Variants in LIMK1 observed in about 807,000 individuals in gnomAD.
LIMK1 encodes LIM domain kinase 1, also known as LIM motif-containing protein kinase.
A neutral mutation model predicts 77.6 loss-of-function variants in LIMK1; 21 were observed. The ratio of observed to expected loss-of-function variants is 0.27; its 90% CI spans 0.19 to 0.39. The LOEUF (loss-of-function observed/expected upper bound fraction) is 0.39, where lower values mean the gene tolerates loss of function less well. LIMK1 is among the 10% of genes least tolerant of loss of function. LIMK1 has a pLI of 1.00. For synonymous variants in LIMK1, 358 were observed against 370.0 expected, an observed-to-expected ratio of 0.97 and a Z score of 0.37; for missense variants, 696 against 901.6, an observed-to-expected ratio of 0.77 and a Z score of 2.92.
intron 13 of LIMK1, among the ~76,000 whole-genome samples, chr7:74,119,042 C>G (rs1799878790): frequency 6.6e-6 from 1 of 151,876 alleles, no homozygotes; most frequent in Non-Finnish European, 1.5e-5. Context: ...ACTACAGGCG[C>G]CCGCCACCAC....
At chr7:74,098,105 A>G (rs535528927) in intron 4 of LIMK1, among the ~76,000 whole-genome samples, 160 of 152,140 alleles carry the variant, frequency 1.1e-3, no homozygotes, top group African/African-American at 3.8e-3. Flanking sequence ...GTCATGACTG[A>G]TTGAGTCATT....
At chr7:74,100,661 C>T (rs1044309511) in intron 5 of LIMK1, among the ~76,000 whole-genome samples, 3 of 152,086 alleles carry the variant, frequency 2.0e-5, no homozygotes, top group African/African-American at 7.2e-5. Context: ...AAGTGATCCT[C>T]CCTTCTCGGC....
rs1228984874 is a variant in LIMK1 at position 74,121,883 on chromosome 7, T to C, written c.*582T>C. On this transcript the variant is annotated 3_prime_UTR_variant, in exon 16 of 16. Coordinates refer to ENST00000336180, the MANE Select transcript of LIMK1 (RefSeq NM_002314.4). ...CAAAGCAGAGAGAGGGCTGATCCCA[T>C]GGGGCGGAGGTCCCCAGTGGCTGAG... 2 of 152,860 alleles carry C rather than the reference T, an allele frequency of 1.3e-5. No individual in the cohort carries two copies. The highest frequency in any genetic ancestry group is 4.8e-5 in the African/African-American group (2 of 41,470). 9.5% of individuals were successfully genotyped at this position (152,860 alleles called of 1,614,324 possible).
intron 3 of LIMK1, 97 bp downstream of exon 3, chr7:74,096,857 C>T: frequency 6.9e-7 from 1 of 1,444,464 alleles, no homozygotes; most frequent in Non-Finnish European, 9.3e-7. Context: ...CTCCTGGTCT[C>T]CTTTTTGCTG....
In LIMK1 at chr7:74,115,785, C is replaced by G. The variant is rs781785097; in HGVS notation, c.1411-17C>G. The G allele has an allele frequency of 6.2e-7, 1 of 1,612,152 alleles. No individual in the cohort carries two copies. Among genetic ancestry groups the G allele is most frequent in the Non-Finnish European group, 8.5e-7 (1 of 1,178,890 alleles). On this transcript the variant is annotated splice_polypyrimidine_tract_variant and intron_variant, in intron 12 of 15. Transcript: ENST00000336180. Reference sequence around the variant, plus strand: ...ACTAGGATCGGGTCCCAGCATGACCCGGCTTCACCTTCCCAGAACAAGAAT... The same window carrying G: ...ACTAGGATCGGGTCCCAGCATGACCGGGCTTCACCTTCCCAGAACAAGAAT...
intron 2 of LIMK1, among the ~76,000 whole-genome samples, chr7:74,094,996 G>T (rs2237503): frequency 6.6e-6 from 1 of 151,948 alleles, no homozygotes; most frequent in African/African-American, 2.4e-5. Context: ...CAAAGGGGAA[G>T]TGGCTGGATC....
intron 8 of LIMK1, 62 bp downstream of exon 8, chr7:74,107,255 T>TCC: frequency 6.7e-7 from 1 of 1,496,202 alleles, no homozygotes; most frequent in Non-Finnish European, 9.0e-7. Flanking sequence ...CCTCCTTCCT[T>TCC]CCCAGTCTAT....
Position 74,099,171 on chromosome 7 carries a change from T to A in LIMK1, c.541T>A (p.Ser181Thr). 1 of 1,613,050 alleles carries A rather than the reference T, an allele frequency of 6.2e-7. No homozygotes were observed. Among genetic ancestry groups the A allele is most frequent in the Non-Finnish European group, 8.5e-7 (1 of 1,180,002 alleles). ...SSHGKRGLSVSIDPPHGPPGC... is the reference protein window; with the variant it reads ...SSHGKRGLSVTIDPPHGPPGC... ...TCATGGCAAGCGTGGACTTTCAGTCTCCATTGACCCCCCGCACGGCCCACC... is the reference window on the plus strand; with the variant it reads ...TCATGGCAAGCGTGGACTTTCAGTCACCATTGACCCCCCGCACGGCCCACC... The change falls in exon 5 of 16, where the codon TCC becomes ACC. Residue 181 changes from serine to threonine, a missense_variant. Ser to Thr is a moderately conservative substitution (Grantham distance 58). This residue lies in a region of LIMK1 where 252 missense variants were observed against 279.4 expected (regional missense o/e 0.90). Transcript: ENST00000336180.
chr7:74,118,375 CAA>C (rs1229558296), intron 13 of LIMK1, among the ~76,000 whole-genome samples: 9 of 91,858 alleles, frequency 9.8e-5, no homozygotes, highest in African/African-American at 1.3e-4. Flanking sequence ...GACTCTGTGT[CAA>C]ACACACACAC....
intron 2 of LIMK1, chr7:74,093,259 G>A (rs1554695047): frequency 6.5e-7 from 1 of 1,536,022 alleles, no homozygotes; most frequent in East Asian, 2.4e-5. Context: ...GATGCTGTTG[G>A]CTTCAGCCCC....
At chr7:74,099,289 T>G in intron 5 of LIMK1, 51 bp downstream of exon 5, 1 of 1,558,014 alleles carries the variant, frequency 6.4e-7, no homozygotes, top group Non-Finnish European at 8.7e-7. Flanking sequence ...TGGCTGTTGA[T>G]GTGGGTGGCA....
chr7:74,118,641 T>G (rs1799869720), intron 13 of LIMK1, among the ~76,000 whole-genome samples: 4 of 149,080 alleles, frequency 2.7e-5, no homozygotes, highest in African/African-American at 7.4e-5. Context: ...TCCCAGCTAC[T>G]CAGGAGGCTG....
At chr7:74,114,779 G>A (rs186444159) in intron 12 of LIMK1, among the ~76,000 whole-genome samples, 1 of 151,872 alleles carries the variant, frequency 6.6e-6, no homozygotes, top group African/African-American at 2.4e-5. Flanking sequence ...GCTGGGCATG[G>A]TGGCAGGCGC....
rs1554700388 is a variant in LIMK1 at position 74,120,655 on chromosome 7, G to A, written c.1623+17G>A. 1.2e-6 allele frequency: 2 copies of A among 1,613,970 alleles called. No homozygotes were observed. Among genetic ancestry groups the A allele is most frequent in the East Asian group, 2.2e-5 (1 of 44,886 alleles). Reference sequence around the variant, plus strand: ...CTGTGCGAGGTAGGTCCAGGGTTGGGTAGCAGCGGTGTTGAGGCCTGGGCT... The same window carrying A: ...CTGTGCGAGGTAGGTCCAGGGTTGGATAGCAGCGGTGTTGAGGCCTGGGCT... On this transcript the variant is annotated intron_variant, in intron 14 of 15. Coordinates refer to ENST00000336180, the MANE Select transcript of LIMK1 (RefSeq NM_002314.4).
At position 74,108,899 on chromosome 7, in the gene LIMK1, C is replaced by T. The variant is rs782808097; in HGVS notation, c.1153-6C>T. 7.2e-5 allele frequency: 116 copies of T among 1,612,516 alleles called. 2 individuals are homozygous for T. The East Asian group carries it at 1.9e-3, about 26-fold the overall frequency. ...GCCCGGGCCCAGCCTGTTTGTGCCC[C>T]GCCAGGTGAAGGTCATGCGATGCCT... On this transcript the variant is annotated splice_polypyrimidine_tract_variant and splice_region_variant and intron_variant, in intron 9 of 15. Transcript: ENST00000336180.
At chr7:74,085,885 G>T (rs782780215) in intron 2 of LIMK1, 41 bp downstream of exon 2, 1 of 1,449,092 alleles carries the variant, frequency 6.9e-7, no homozygotes, top group African/African-American at 1.4e-5. Flanking sequence ...CCTAAACAAG[G>T]CCTGCCAGAG....
chr7:74,089,339 T>C (rs1799194971), intron 2 of LIMK1, among the ~76,000 whole-genome samples: 1 of 152,016 alleles, frequency 6.6e-6, no homozygotes, highest in African/African-American at 2.4e-5. Context: ...TGAAACCTTG[T>C]CTCTACAAAA....
intron 9 of LIMK1, among the ~76,000 whole-genome samples, chr7:74,108,304 C>T (rs546490424): frequency 1.2e-4 from 18 of 152,038 alleles, no homozygotes; most frequent in Non-Finnish European, 2.5e-4. Flanking sequence ...CACCACTGCA[C>T]TCCAGCCTGG....
At position 74,121,923 on chromosome 7, in the gene LIMK1, T is replaced by G. The variant is rs1167930044; in HGVS notation, c.*622T>G. ...CAGTGGCTGAGCAAACAGCCCCTTC[T>G]CTCGCTTTGGGTCTTTTTTTTGTTT... On this transcript the variant is annotated 3_prime_UTR_variant, in exon 16 of 16. Coordinates refer to ENST00000336180, the MANE Select transcript of LIMK1 (RefSeq NM_002314.4). The G allele has an allele frequency of 6.5e-6, 1 of 152,780 alleles. No individual in the cohort carries two copies. Among genetic ancestry groups the G allele is most frequent in the Non-Finnish European group, 1.5e-5 (1 of 68,128 alleles). The allele number at this position is 152,780 out of a possible 1,614,324, so 9.5% of individuals were successfully genotyped here. A position where few individuals can be genotyped will look rare whatever the true frequency, so the allele number is the denominator to read the frequency against.
Sources: gnomAD v4.1 joint callset for allele counts (sites outside exome capture counted in the v4.1 genomes callset) on GRCh38, gnomAD v4.1.1 for gene constraint, gnomAD v4.1.1 regional missense constraint, MANE v1.5 for transcripts, NCBI Gene and HGNC (gene_info 2026-07-23, HGNC 2026-07-21) for gene names.